The following SRI variants were observed in gnomAD, a reference collection of about 807,000 sequenced individuals.
The protein encoded by SRI is sorcin, also known as 22 kDa protein.
SRI carries 30 observed loss-of-function variants against 33.3 expected under a neutral mutation model. That is an observed-to-expected ratio of 0.90 (90% CI 0.67 to 1.22). The LOEUF is 1.22. SRI is among the 50% of genes most tolerant of loss of function. SRI has a pLI of 0.00. For missense variants in SRI, 243 were observed against 250.8 expected, an observed-to-expected ratio of 0.97 and a Z score of 0.21; for synonymous variants, 75 against 89.9, an observed-to-expected ratio of 0.83 and a Z score of 0.94.
intron 2 of SRI, among the ~76,000 whole-genome samples, chr7:88,218,448 G>A (rs1045697008): frequency 6.6e-6 from 1 of 152,148 alleles, no homozygotes; most frequent in Admixed American, 6.5e-5. Flanking sequence ...GAAGCTGGTG[G>A]GTTTTTACCA....
intron 5 of SRI, among the ~76,000 whole-genome samples, 192 bp downstream of exon 5, chr7:88,209,791 A>AT (rs1201939031): frequency 1.3e-5 from 2 of 151,876 alleles, no homozygotes; most frequent in African/African-American, 4.8e-5. Context: ...ATGTTTCTGT[A>AT]TTTTAGTAGA....
intron 7 of SRI, 59 bp downstream of exon 7, chr7:88,208,448 G>A: frequency 1.2e-6 from 2 of 1,602,794 alleles, no homozygotes; most frequent in South Asian, 2.2e-5. Flanking sequence ...ATTTCAAAGG[G>A]ATACCCATCT....
At position 88,206,091 on chromosome 7, in the gene SRI, G is replaced by A; in HGVS notation, c.*387C>T. ...CTATGTCATTTACCTAAGTTTTTATGTGTGGAGTATTCTTTGTAGGAGAGG... is the reference window on the plus strand; with the variant it reads ...CTATGTCATTTACCTAAGTTTTTATATGTGGAGTATTCTTTGTAGGAGAGG... On this transcript the variant is annotated 3_prime_UTR_variant, in exon 8 of 8. Transcript: ENST00000265729. 4.8e-6 allele frequency: 1 copy of A among 208,364 alleles called. No individual in the cohort carries two copies. Among genetic ancestry groups the A allele is most frequent in the East Asian group, 1.1e-4 (1 of 8,804 alleles). The allele number at this position is 208,364 out of a possible 1,614,324, so 12.9% of individuals were successfully genotyped here.
intron 7 of SRI, 91 bp downstream of exon 7, chr7:88,208,416 C>T: frequency 6.4e-7 from 1 of 1,555,366 alleles, no homozygotes; most frequent in Non-Finnish European, 8.7e-7. Context: ...CATCCTTAAC[C>T]TTAAGATATT....
upstream of SRI, among the ~76,000 whole-genome samples, chr7:88,221,699 T>A (rs183258446): frequency 3.0e-3 from 462 of 152,330 alleles, 1 homozygote; most frequent in Non-Finnish European, 3.9e-3. Context: ...ATTTTTTTTT[T>A]AATTACACTT....
chr7:88,210,544 G>A (rs2115753494), intron 4 of SRI: 1 of 385,174 alleles, frequency 2.6e-6, no homozygotes, highest in African/African-American at 2.1e-5. Flanking sequence ...TGGATAGTCA[G>A]CACTACCTAA....
intron 1 of SRI, 37 bp downstream of exon 1, chr7:88,219,939 G>T: frequency 6.5e-7 from 1 of 1,536,792 alleles, no homozygotes. Context: ...GCGCCCCGGA[G>T]CCGCCTGGGC....
chr7:88,223,364 G>A (rs1229546672), upstream of SRI, among the ~76,000 whole-genome samples: 1 of 152,188 alleles, frequency 6.6e-6, no homozygotes. Flanking sequence ...GAACAGAACA[G>A]AGCTGAGCTA....
At chr7:88,210,515 G>T in intron 4 of SRI, 1 of 383,700 alleles carries the variant, frequency 2.6e-6, no homozygotes, top group South Asian at 2.3e-5. Context: ...CCAGACAAAT[G>T]AGGTGGGATG....
intron 1 of SRI, chr7:88,219,430 A>G: frequency 5.2e-6 from 1 of 191,022 alleles, no homozygotes; most frequent in Non-Finnish European, 1.1e-5. Context: ...CCTGTCTCGG[A>G]AACAGTTCCC....
chr7:88,208,795 G>GT, intron 6 of SRI: 2 of 574,976 alleles, frequency 3.5e-6, no homozygotes, highest in Admixed American at 3.2e-5. Context: ...TTGTTTTTTT[G>GT]TTTTTTTAGA....
In SRI at chr7:88,206,319, TA is replaced by T. The variant is rs1469218297; in HGVS notation, c.*158del. ...GTTCCAAAGAATTTATTATCAAAAC[TA>T]AAACAAAACTTCAGTTGTACATAAA... On this transcript the variant is annotated 3_prime_UTR_variant, in exon 8 of 8. Coordinates refer to ENST00000265729, the MANE Select transcript of SRI (RefSeq NM_003130.4). 5.9e-6 allele frequency: 5 copies of T among 845,688 alleles called. No homozygotes were observed. Among genetic ancestry groups the T allele is most frequent in the Non-Finnish European group, 9.8e-6 (5 of 511,824 alleles). The allele number at this position is 845,688 out of a possible 1,614,324, so 52.4% of individuals were successfully genotyped here.
At chr7:88,216,991 T>G (rs909636249) in intron 3 of SRI, 131 bp downstream of exon 3, 1 of 858,730 alleles carries the variant, frequency 1.2e-6, no homozygotes, top group Non-Finnish European at 2.0e-6. Flanking sequence ...AGTACTGTAT[T>G]TTAGCTTTCG....
intron 1 of SRI, among the ~76,000 whole-genome samples, chr7:88,225,197 G>A (rs1851969542): frequency 6.6e-6 from 1 of 152,160 alleles, no homozygotes; most frequent in South Asian, 2.1e-4. Context: ...ATGAAGCTCT[G>A]AGCTGGAGTT....
In SRI at chr7:88,218,807, T is replaced by C; in HGVS notation, c.135+52A>G. ...TTTTCTGTGTCACTATATCAAAAGCTACCACAAATGCAGACAATAACGGCT... is the reference window on the plus strand; with the variant it reads ...TTTTCTGTGTCACTATATCAAAAGCCACCACAAATGCAGACAATAACGGCT... On this transcript the variant is annotated intron_variant, in intron 2 of 7. Coordinates refer to ENST00000265729, the MANE Select transcript of SRI (RefSeq NM_003130.4). 5 of 1,565,964 alleles carry C rather than the reference T, an allele frequency of 3.2e-6. No individual in the cohort carries two copies. In the East Asian group the frequency reaches 1.1e-4, roughly 35 times the overall value.
intron 1 of SRI, among the ~76,000 whole-genome samples, chr7:88,225,272 A>T (rs1419754651): frequency 6.6e-6 from 1 of 152,218 alleles, no homozygotes; most frequent in Non-Finnish European, 1.5e-5. Flanking sequence ...ATATATGCCT[A>T]TATACATATA....
At chr7:88,214,156 T>C (rs763357935) in intron 3 of SRI, among the ~76,000 whole-genome samples, 21 of 152,172 alleles carry the variant, frequency 1.4e-4, no homozygotes, top group African/African-American at 4.6e-4. Context: ...AAAGACTTTA[T>C]AGAAGACAAA....
rs1851753507 is a variant in SRI, at chr7:88,217,320, T to C, written c.136-129A>G. On this transcript the variant is annotated intron_variant, in intron 2 of 7. Coordinates refer to ENST00000265729, the MANE Select transcript of SRI (RefSeq NM_003130.4). ...TTTTTTATTTAAAAGGAATGCCTTT[T>C]TTTTATTAAAAGGAATGCCTTCCAA... The C allele has an allele frequency of 1.1e-5, 9 of 784,328 alleles. No homozygotes were observed. In the South Asian group the frequency reaches 1.5e-4, roughly 13 times the overall value. 48.6% of individuals were successfully genotyped at this position (784,328 alleles called of 1,614,324 possible).
chr7:88,226,521 T>A (rs567222854), intron 1 of SRI, among the ~76,000 whole-genome samples: 39 of 152,096 alleles, frequency 2.6e-4, no homozygotes, highest in Non-Finnish European at 5.1e-4. Context: ...GGAAGAAAAA[T>A]TCCCAATTAT....
Sources: allele counts gnomAD v4.1 joint callset (sites outside exome capture counted in the v4.1 genomes callset), GRCh38; gene constraint gnomAD v4.1.1; transcripts MANE v1.5; gene names NCBI Gene and HGNC (gene_info 2026-07-23, HGNC 2026-07-21).